RIMKLA: variants seen among roughly 807,000 people sequenced by gnomAD.
RIMKLA encodes ribosomal modification protein rimK like family member A, also known as N-acetylaspartylglutamate synthase A.
RIMKLA carries 14 observed loss-of-function variants against 32.7 expected under a neutral mutation model. The observed-to-expected ratio is 0.43, with a 90% CI of 0.28 to 0.67. The LOEUF is 0.67. Among genes scored for constraint, RIMKLA ranks in the 30% least tolerant of loss-of-function variants. The pLI, the probability that RIMKLA is intolerant of heterozygous loss-of-function variation, is 0.18. For synonymous variants in RIMKLA, 176 were observed against 204.1 expected (o/e 0.86, Z 1.18); for missense variants, 410 against 519.0 (o/e 0.79, Z 2.04).
At position 42,409,923 on chromosome 1, in the gene RIMKLA, T is replaced by C. The variant is rs559287841; in HGVS notation, c.482-61T>C. On this transcript the variant is annotated intron_variant, in intron 3 of 4. Transcript: ENST00000431473. ...TGACTTTATGGACAAGGAGGCCAGATGGCAAGTACAGAGTCCAGAGGCTTC... is the reference window on the plus strand; with the variant it reads ...TGACTTTATGGACAAGGAGGCCAGACGGCAAGTACAGAGTCCAGAGGCTTC... The C allele has an allele frequency of 3.5e-5, 47 of 1,328,190 alleles. No homozygotes were observed. The South Asian group carries it at 4.6e-4, about 13-fold the overall frequency. The allele number at this position is 1,328,190 out of a possible 1,614,324, so 82.3% of individuals were successfully genotyped here.
At chr1:42,382,517 C>G (rs1451670331) in intron 1 of RIMKLA, among the ~76,000 whole-genome samples, 1 of 152,210 alleles carries the variant, frequency 6.6e-6, no homozygotes, top group East Asian at 1.9e-4. Flanking sequence ...ATTGTATAAT[C>G]TGTTGTATTT....
rs796692306 is a variant in RIMKLA at position 42,416,087 on chromosome 1, C to CGGCG, written c.*1115_*1116insCGGG. 3.1e-5 allele frequency: 3 copies of CGGCG among 95,694 alleles called. No individual in the cohort carries two copies. Among genetic ancestry groups the CGGCG allele is most frequent in the Admixed American group, 1.2e-4 (1 of 8,594 alleles). 5.9% of individuals were successfully genotyped at this position (95,694 alleles called of 1,614,324 possible). A position where few individuals can be genotyped will look rare whatever the true frequency, so the allele number is the denominator to read the frequency against. ...CAGGAATTACCCATTGCACATTTTG[C>CGGCG]GGGGGGGGGGGCTAATGTAGACATG... On this transcript the variant is annotated 3_prime_UTR_variant, in exon 5 of 5. Coordinates refer to ENST00000431473, the MANE Select transcript of RIMKLA (RefSeq NM_173642.4).
intron 1 of RIMKLA, among the ~76,000 whole-genome samples, chr1:42,386,339 C>T (rs1642946810): frequency 6.6e-6 from 1 of 151,934 alleles, no homozygotes; most frequent in African/African-American, 2.4e-5. Flanking sequence ...TGTGTCATCT[C>T]CACCCATCCA....
At chr1:42,393,336 T>C (rs1643015771) in intron 1 of RIMKLA, among the ~76,000 whole-genome samples, 1 of 152,144 alleles carries the variant, frequency 6.6e-6, no homozygotes, top group African/African-American at 2.4e-5. Flanking sequence ...GTGAAAAAAA[T>C]GCATATTTAA....
chr1:42,403,840 G>A (rs1245312596), intron 2 of RIMKLA, among the ~76,000 whole-genome samples: 2 of 152,152 alleles, frequency 1.3e-5, no homozygotes, highest in African/African-American at 4.8e-5. Context: ...CTGAAGTTTG[G>A]GGTCTTCTTC....
At chr1:42,391,425 A>G (rs983450956) in intron 1 of RIMKLA, among the ~76,000 whole-genome samples, 4 of 152,100 alleles carry the variant, frequency 2.6e-5, no homozygotes, top group Non-Finnish European at 5.9e-5. Flanking sequence ...TCTAATTGCA[A>G]TCAGGAGCGA....
chr1:42,391,893 T>C (rs1383394740), intron 1 of RIMKLA, among the ~76,000 whole-genome samples: 1 of 152,058 alleles, frequency 6.6e-6, no homozygotes, highest in Non-Finnish European at 1.5e-5. Flanking sequence ...CCAAAGCGAT[T>C]TTTGTGTCTT....
rs541757273 is a variant in RIMKLA at position 42,423,311 on chromosome 1, A to G, written c.*8337A>G. Among the ~76,000 whole-genome samples the G allele has an allele frequency of 6.6e-6, 1 of 152,320 alleles. No homozygotes were observed. The highest frequency in any genetic ancestry group is 2.1e-4 in the South Asian group (1 of 4,824). On this transcript the variant is annotated 3_prime_UTR_variant, in exon 5 of 5. Transcript: ENST00000431473. ...CTATGTTTCTTTCTTCTTCTCTTACATGAAAATCGTCAAACTACACAAAAG... is the reference window on the plus strand; with the variant it reads ...CTATGTTTCTTTCTTCTTCTCTTACGTGAAAATCGTCAAACTACACAAAAG...
chr1:42,397,193 T>C (rs1318390648), intron 1 of RIMKLA, among the ~76,000 whole-genome samples: 1 of 152,180 alleles, frequency 6.6e-6, no homozygotes, highest in Non-Finnish European at 1.5e-5. Flanking sequence ...AAATATCTCC[T>C]AGAATGGGGG....
chr1:42,387,747 T>G (rs1186481210), intron 1 of RIMKLA, among the ~76,000 whole-genome samples: 1 of 152,128 alleles, frequency 6.6e-6, no homozygotes, highest in Non-Finnish European at 1.5e-5. Context: ...AAGTACTGTT[T>G]CTAGGCACCA....
At chr1:42,389,100 G>A (rs951917700) in intron 1 of RIMKLA, among the ~76,000 whole-genome samples, 1 of 152,194 alleles carries the variant, frequency 6.6e-6, no homozygotes, top group Non-Finnish European at 1.5e-5. Flanking sequence ...AGTCAAGGAG[G>A]ACTCCAAAGT....
At chr1:42,409,206 A>AAAAAAAAC in intron 3 of RIMKLA, among the ~76,000 whole-genome samples, 1 of 31,608 alleles carries the variant, frequency 3.2e-5, no homozygotes, top group African/African-American at 1.0e-4. Flanking sequence ...TGTCTCAAAA[A>AAAAAAAAC]AAAAAAAAAA....
Position 42,380,852 on chromosome 1 carries a change from C to A in RIMKLA, c.-83C>A, listed in dbSNP as rs1317732448. On this transcript the variant is annotated 5_prime_UTR_variant, in exon 1 of 5. Transcript: ENST00000431473. ...GTGGCGCGCTCGCCCCGGACGCCGG[C>A]CGCCCCTCCGCTCGCCCTACTGAGC... 71 of 941,244 alleles carry A rather than the reference C, an allele frequency of 7.5e-5. No individual in the cohort carries two copies. In the East Asian group the frequency reaches 8.8e-4, roughly 12 times the overall value. 58.3% of individuals were successfully genotyped at this position (941,244 alleles called of 1,614,324 possible).
At chr1:42,411,743 C>T (rs1040015055) in intron 4 of RIMKLA, among the ~76,000 whole-genome samples, 2 of 151,704 alleles carry the variant, frequency 1.3e-5, no homozygotes, top group Non-Finnish European at 2.9e-5. Flanking sequence ...GCACAATCTC[C>T]GCTCATTGCA....
In RIMKLA at chr1:42,420,703, A is replaced by G. The variant is rs1294222392; in HGVS notation, c.*5729A>G. ...ATTCCCACTGCACAAGCCAGGCATC[A>G]CAATGACCATATTCACCACTCGTTG... On this transcript the variant is annotated 3_prime_UTR_variant, in exon 5 of 5. Transcript: ENST00000431473. 1 of 152,302 alleles carries G rather than the reference A, an allele frequency of 6.6e-6. No individual in the cohort carries two copies. The highest frequency in any genetic ancestry group is 1.5e-5 in the Non-Finnish European group (1 of 68,062). The allele number at this position is 152,302 out of a possible 1,614,324, so 9.4% of individuals were successfully genotyped here. A position where few individuals can be genotyped will look rare whatever the true frequency, so the allele number is the denominator to read the frequency against.
In RIMKLA at chr1:42,420,406, G is replaced by A. The variant is rs938856584; in HGVS notation, c.*5432G>A. 2.0e-5 allele frequency: 3 copies of A among 152,172 alleles called. No individual in the cohort carries two copies. The highest frequency in any genetic ancestry group is 7.2e-5 in the African/African-American group (3 of 41,424). The allele number at this position is 152,172 out of a possible 1,614,324, so 9.4% of individuals were successfully genotyped here. On this transcript the variant is annotated 3_prime_UTR_variant, in exon 5 of 5. Transcript: ENST00000431473. ...AGACTCGGCACCCCATTTATAGAAT[G>A]TTCTTTTTATATACTATGGAGGAAT...
chr1:42,418,684 A>G lies in RIMKLA; in HGVS notation c.*3710A>G, dbSNP rs1179341548. 3 of 152,208 alleles carry G rather than the reference A, an allele frequency of 2.0e-5. No individual in the cohort carries two copies. The highest frequency in any genetic ancestry group is 4.4e-5 in the Non-Finnish European group (3 of 68,040). The allele number at this position is 152,208 out of a possible 1,614,324, so 9.4% of individuals were successfully genotyped here. A position where few individuals can be genotyped will look rare whatever the true frequency, so the allele number is the denominator to read the frequency against. On this transcript the variant is annotated 3_prime_UTR_variant, in exon 5 of 5. Coordinates refer to ENST00000431473, the MANE Select transcript of RIMKLA (RefSeq NM_173642.4). ...CATCCACCCTGGAGAAGTGGGGGAG[A>G]TGTGCTTCCTCCCTTCTTTAAATCC...
At position 42,415,152 on chromosome 1, in the gene RIMKLA, A is replaced by G; in HGVS notation, c.*178A>G. 1 of 622,256 alleles carries G rather than the reference A, an allele frequency of 1.6e-6. No individual in the cohort carries two copies. The highest frequency in any genetic ancestry group is 3.6e-4 in the Middle Eastern group (1 of 2,806). The allele number at this position is 622,256 out of a possible 1,614,324, so 38.5% of individuals were successfully genotyped here. A position where few individuals can be genotyped will look rare whatever the true frequency, so the allele number is the denominator to read the frequency against. Reference sequence around the variant, plus strand: ...TGGCCTAGCTTTGTGGTTTTTACAAAGACAAATATAAAAACACTCAAGAAC... The same window carrying G: ...TGGCCTAGCTTTGTGGTTTTTACAAGGACAAATATAAAAACACTCAAGAAC... On this transcript the variant is annotated 3_prime_UTR_variant, in exon 5 of 5. Coordinates refer to ENST00000431473, the MANE Select transcript of RIMKLA (RefSeq NM_173642.4).
intron 2 of RIMKLA, among the ~76,000 whole-genome samples, chr1:42,403,652 C>T (rs953097826): frequency 2.6e-5 from 4 of 152,124 alleles, no homozygotes; most frequent in Admixed American, 6.5e-5. Flanking sequence ...GGCTTGGTTT[C>T]TTTGAGTGTT....
Sources: gnomAD v4.1 joint callset for allele counts (sites outside exome capture counted in the v4.1 genomes callset) on GRCh38, gnomAD v4.1.1 for gene constraint, MANE v1.5 for transcripts, NCBI Gene and HGNC (gene_info 2026-07-23, HGNC 2026-07-21) for gene names.